The following TMCO6 variants were observed in gnomAD, a reference collection of about 807,000 sequenced individuals.
TMCO6 encodes transmembrane and coiled-coil domain-containing protein 6.
Under a neutral mutation model 61.8 loss-of-function variants are expected in TMCO6, and 47 were observed. The observed-to-expected ratio is 0.76, with a 90% CI of 0.60 to 0.97. TMCO6 has a LOEUF of 0.97. Ranked by LOEUF, TMCO6 falls within the 50% of genes least tolerant of loss-of-function variation. The pLI is 0.00. For missense variants in TMCO6, 557 were observed against 601.6 expected, an observed-to-expected ratio of 0.93 and a Z score of 0.78; for synonymous variants, 261 against 254.2, an observed-to-expected ratio of 1.03 and a Z score of -0.25.
chr5:140,623,000 G>A, the TMCO6 span, among the ~76,000 whole-genome samples: 1 of 152,182 alleles, frequency 6.6e-6, no homozygotes, highest in African/African-American at 2.4e-5. Flanking sequence ...TAACAAGCAT[G>A]AGCCACCATG....
the TMCO6 span, among the ~76,000 whole-genome samples, chr5:140,604,555 G>C: frequency 2.0e-5 from 3 of 151,000 alleles, no homozygotes; most frequent in Admixed American, 2.0e-4. Context: ...GTCCTTTGAT[G>C]CACCAAAGTT....
the TMCO6 span, among the ~76,000 whole-genome samples, chr5:140,602,828 G>T: frequency 6.6e-6 from 1 of 151,684 alleles, no homozygotes; most frequent in Admixed American, 6.6e-5. Context: ...AAAGAAAAAT[G>T]GCCATGCGTG....
chr5:140,618,530 T>A, the TMCO6 span, among the ~76,000 whole-genome samples: 1 of 152,198 alleles, frequency 6.6e-6, no homozygotes, highest in East Asian at 1.9e-4. Flanking sequence ...GGGGTATATG[T>A]GTAGGTTTGT....
At chr5:140,637,337 C>G (rs1254578345), upstream of TMCO6, among the ~76,000 whole-genome samples, 1 of 152,182 alleles carries the variant, frequency 6.6e-6, no homozygotes, top group African/African-American at 2.4e-5. Context: ...GCCTAGTAGA[C>G]TAGTGGCACT....
At chr5:140,646,231 G>C (rs992001857), downstream of TMCO6, among the ~76,000 whole-genome samples, 1 of 152,040 alleles carries the variant, frequency 6.6e-6, no homozygotes, top group African/African-American at 2.4e-5. Flanking sequence ...GGCTGGTCTT[G>C]AACTCCTGAC....
At chr5:140,645,784 G>C, downstream of TMCO6, 3 of 1,539,012 alleles carry the variant, frequency 1.9e-6, no homozygotes, top group South Asian at 2.3e-5. Flanking sequence ...GACAGGAAGA[G>C]TATTAAAGAG....
chr5:140,608,355 C>T, the TMCO6 span, among the ~76,000 whole-genome samples: 3 of 152,060 alleles, frequency 2.0e-5, no homozygotes, highest in Non-Finnish European at 4.4e-5. Context: ...ATTTGTTTGC[C>T]TTTTTGTTGC....
the TMCO6 span, among the ~76,000 whole-genome samples, chr5:140,626,062 G>A: frequency 7.9e-5 from 12 of 152,118 alleles, 1 homozygote; most frequent in Non-Finnish European, 1.2e-4. Flanking sequence ...TGGCCTGGGT[G>A]AACTTACTCA....
chr5:140,606,762 A>G, the TMCO6 span, among the ~76,000 whole-genome samples: 1 of 152,146 alleles, frequency 6.6e-6, no homozygotes, highest in African/African-American at 2.4e-5. Flanking sequence ...CCCTGTCTCT[A>G]CTAAAATACA....
At chr5:140,613,833 A>G in the TMCO6 span, among the ~76,000 whole-genome samples, 1 of 151,954 alleles carries the variant, frequency 6.6e-6, no homozygotes, top group East Asian at 1.9e-4. Context: ...TCAGCCTCCC[A>G]AAGCACAGGG....
At chr5:140,634,044 T>C in the TMCO6 span, among the ~76,000 whole-genome samples, 1 of 152,150 alleles carries the variant, frequency 6.6e-6, no homozygotes, top group Admixed American at 6.5e-5. Flanking sequence ...CGCCTCGGCC[T>C]CCCAAAGTGC....
At chr5:140,637,806 T>C (rs1756805249), upstream of TMCO6, among the ~76,000 whole-genome samples, 1 of 152,138 alleles carries the variant, frequency 6.6e-6, no homozygotes, top group South Asian at 2.1e-4. Flanking sequence ...CTCAACCAAT[T>C]GTCAACCAGA....
chr5:140,611,818 T>A, the TMCO6 span, among the ~76,000 whole-genome samples: 1 of 152,202 alleles, frequency 6.6e-6, no homozygotes, highest in African/African-American at 2.4e-5. Flanking sequence ...ATACACAATA[T>A]CATATGTAAA....
the TMCO6 span, among the ~76,000 whole-genome samples, chr5:140,623,800 C>A: frequency 6.6e-6 from 1 of 152,142 alleles, no homozygotes; most frequent in African/African-American, 2.4e-5. Flanking sequence ...AGGCTAGTCT[C>A]AAACTCCTGA....
the TMCO6 span, among the ~76,000 whole-genome samples, chr5:140,625,131 C>A: frequency 2.0e-5 from 3 of 152,134 alleles, no homozygotes; most frequent in African/African-American, 7.2e-5. Flanking sequence ...GGATTACAGG[C>A]GTGAGTCACT....
the TMCO6 span, among the ~76,000 whole-genome samples, chr5:140,610,464 G>A: frequency 6.6e-6 from 1 of 152,154 alleles, no homozygotes; most frequent in Admixed American, 6.5e-5. Context: ...CAACCAAAGT[G>A]CTGGGATTAC....
chr5:140,645,103 G>A lies in TMCO6; in HGVS notation c.*5G>A, dbSNP rs760178189. Reference sequence around the variant, plus strand: ...CAGACAGCTCTTCAAGGGTGATCTTGTTTCTCAATGTCACTCATTCCCCTC... The same window carrying A: ...CAGACAGCTCTTCAAGGGTGATCTTATTTCTCAATGTCACTCATTCCCCTC... On this transcript the variant is annotated 3_prime_UTR_variant, in exon 12 of 12. Transcript: ENST00000394671. 1.2e-6 allele frequency: 2 copies of A among 1,612,902 alleles called. No individual in the cohort carries two copies. The highest frequency in any genetic ancestry group is 2.2e-5 in the East Asian group (1 of 44,898).
chr5:140,616,201 TG>T, the TMCO6 span, among the ~76,000 whole-genome samples: 44,265 of 151,860 alleles, frequency 0.29, 6,630 homozygotes, highest in African/African-American at 0.32. Context: ...AATAATTTCT[TG>T]GATATGGCAC....
chr5:140,638,034 G>C (rs977329698), upstream of TMCO6, among the ~76,000 whole-genome samples: 3 of 143,884 alleles, frequency 2.1e-5, no homozygotes, highest in Non-Finnish European at 4.5e-5. Context: ...TAGGAATAAC[G>C]CTCAAAATCC....
Sources: gnomAD v4.1 joint callset for allele counts (sites outside exome capture counted in the v4.1 genomes callset) on GRCh38, gnomAD v4.1.1 for gene constraint, MANE v1.5 for transcripts, NCBI Gene and HGNC (gene_info 2026-07-23, HGNC 2026-07-21) for gene names.